TMEM132B: variants seen among roughly 807,000 people sequenced by gnomAD.
TMEM132B encodes transmembrane protein 132B.
A neutral mutation model predicts 90.8 loss-of-function variants in TMEM132B; 18 were observed. The observed-to-expected ratio is 0.20, with a 90% CI of 0.14 to 0.29. TMEM132B has a LOEUF of 0.29. TMEM132B is among the 10% of genes least tolerant of loss of function. TMEM132B has a pLI of 1.00. For missense variants in TMEM132B, 1,096 were observed against 1,326.8 expected (o/e 0.83, Z 2.70); for synonymous variants, 504 against 523.3 (o/e 0.96, Z 0.50).
chr12:125,265,272 G>A (rs747084081), intron 1 of TMEM132B, among the ~76,000 whole-genome samples: 26 of 152,022 alleles, frequency 1.7e-4, no homozygotes, highest in Non-Finnish European at 3.2e-4. Context: ...CCCAGTGGAC[G>A]CCTGAAATCA....
intron 1 of TMEM132B, among the ~76,000 whole-genome samples, chr12:125,230,834 G>A (rs1040948133): frequency 1.3e-5 from 2 of 152,150 alleles, no homozygotes; most frequent in African/African-American, 4.8e-5. Context: ...TGCTGAGCAC[G>A]CTAGAGTTCA....
chr12:125,643,982 C>A, intron 5 of TMEM132B, 94 bp from the exon 6 acceptor site: 2 of 1,125,758 alleles, frequency 1.8e-6, no homozygotes, highest in Non-Finnish European at 2.6e-6. Context: ...TCTAATAAAT[C>A]AGAGCTGCTG....
chr12:125,334,979 C>A (rs565145223), intron 1 of TMEM132B, among the ~76,000 whole-genome samples: 2 of 152,354 alleles, frequency 1.3e-5, no homozygotes, highest in African/African-American at 4.8e-5. Context: ...CAGTCTACTT[C>A]TGTTTTGTCC....
At chr12:125,212,483 A>G (rs1807990827) in intron 1 of TMEM132B, among the ~76,000 whole-genome samples, 1 of 152,026 alleles carries the variant, frequency 6.6e-6, no homozygotes, top group Admixed American at 6.6e-5. Context: ...ATCTGAGGTC[A>G]GGAGTTTGAG....
In TMEM132B at chr12:125,622,753, A is replaced by G. The variant is rs115926178; in HGVS notation, c.1438-21323A>G. 809 of 736,698 alleles carry G rather than the reference A, an allele frequency of 1.1e-3. 9 individuals carry two copies. The African/African-American group carries it at 0.014, about 13-fold the overall frequency. The allele number at this position is 736,698 out of a possible 1,614,324, so 45.6% of individuals were successfully genotyped here. ...TCTCATTCTGGAGCAAGTGGTGGGG[A>G]GGACATCATTTGTATTTACTTTTCC... On this transcript the variant is annotated intron_variant, in intron 5 of 8. Coordinates refer to ENST00000682704, the MANE Select transcript of TMEM132B (RefSeq NM_001366854.1).
At position 125,418,006 on chromosome 12, in the gene TMEM132B, C is replaced by T. The variant is rs1043587966; in HGVS notation, c.1106+2329C>T. Among the ~76,000 whole-genome samples, 16 of 152,104 alleles carry T rather than the reference C, an allele frequency of 1.1e-4. No individual in the cohort carries two copies. In the South Asian group the frequency reaches 2.3e-3, roughly 22 times the overall value. ...TGATGGGGACAGGAGATGGAGTGGG[C>T]GCCACCCCAGTTACCTTAGTCTCAT... On this transcript the variant is annotated intron_variant, in intron 3 of 8. Coordinates refer to ENST00000682704, the MANE Select transcript of TMEM132B (RefSeq NM_001366854.1).
intron 1 of TMEM132B, among the ~76,000 whole-genome samples, chr12:125,336,094 A>G (rs943466345): frequency 2.0e-5 from 3 of 152,240 alleles, no homozygotes; most frequent in Non-Finnish European, 4.4e-5. Context: ...GTCAGGACAC[A>G]GAAGAGCTCC....
At chr12:125,195,238 C>T (rs1872898168) in intron 1 of TMEM132B, among the ~76,000 whole-genome samples, 1 of 151,824 alleles carries the variant, frequency 6.6e-6, no homozygotes, top group South Asian at 2.1e-4. Context: ...AAAAGACAGG[C>T]AAAAAACCCT....
chr12:125,246,203 C>T lies in TMEM132B; in HGVS notation c.67+59337C>T, dbSNP rs544227731. Among the ~76,000 whole-genome samples, 6 of 152,270 alleles carry T rather than the reference C, an allele frequency of 3.9e-5. No homozygotes were observed. In the South Asian group the frequency reaches 8.3e-4, roughly 21 times the overall value. ...GACTGGACTGGAGGTCGCTCTGTGC[C>T]GAGGAGAATGTCAAGCCTGTTAGAT... On this transcript the variant is annotated intron_variant, in intron 1 of 8. Coordinates refer to ENST00000682704, the MANE Select transcript of TMEM132B (RefSeq NM_001366854.1). The surrounding 1 kb of genome is among the most constrained non-coding windows in gnomAD (Gnocchi z 4.2).
intron 2 of TMEM132B, among the ~76,000 whole-genome samples, chr12:125,362,789 T>G (rs771658931): frequency 2.6e-5 from 4 of 152,250 alleles, no homozygotes; most frequent in Non-Finnish European, 4.4e-5. Context: ...CAAGTAATAC[T>G]GTAAAACAAT....
At position 125,460,247 on chromosome 12, in the gene TMEM132B, T is replaced by G. The variant is rs1881401144; in HGVS notation, c.1106+44570T>G. On this transcript the variant is annotated intron_variant, in intron 3 of 8. Coordinates refer to ENST00000682704, the MANE Select transcript of TMEM132B (RefSeq NM_001366854.1). This position sits in a 1 kb window ranked among gnomAD's most constrained non-coding sequence, Gnocchi z 4.4. ...GGCTCACGCCTGTAATCCCAGCACT[T>G]TGGGAGGCCGAGGTGGGTGGATCAC... 6.6e-6 allele frequency among the ~76,000 whole-genome samples: 1 copy of G among 152,056 alleles called. No homozygotes were observed. The highest frequency in any genetic ancestry group is 2.4e-5 in the African/African-American group (1 of 41,418).
chr12:125,479,912 C>G (rs1881993180), intron 3 of TMEM132B, among the ~76,000 whole-genome samples: 1 of 152,206 alleles, frequency 6.6e-6, no homozygotes, highest in South Asian at 2.1e-4. Context: ...AACTGTCTCT[C>G]AGACCACAGT....
At chr12:125,268,026 G>T (rs1015301764) in intron 1 of TMEM132B, among the ~76,000 whole-genome samples, 1 of 152,130 alleles carries the variant, frequency 6.6e-6, no homozygotes, top group Non-Finnish European at 1.5e-5. Context: ...CAGGAGGATG[G>T]CTTGAGCCCA....
intron 4 of TMEM132B, among the ~76,000 whole-genome samples, chr12:125,529,941 T>C (rs756363970): frequency 3.9e-5 from 6 of 152,160 alleles, no homozygotes; most frequent in Non-Finnish European, 5.9e-5. Context: ...TTCTCATATA[T>C]ATATGGGGCC....
chr12:125,488,296 C>T (rs1882252098), intron 3 of TMEM132B, among the ~76,000 whole-genome samples: 1 of 152,136 alleles, frequency 6.6e-6, no homozygotes, highest in South Asian at 2.1e-4. Flanking sequence ...GTCATAAAGT[C>T]TATAAATCAG....
At chr12:125,482,637 G>A (rs577465278) in intron 3 of TMEM132B, among the ~76,000 whole-genome samples, 4 of 152,274 alleles carry the variant, frequency 2.6e-5, no homozygotes, top group Admixed American at 1.3e-4. Context: ...ACACTTTCAC[G>A]CTGTTGGTGG....
intron 1 of TMEM132B, among the ~76,000 whole-genome samples, chr12:125,324,269 A>G (rs576968551): frequency 1.8e-4 from 28 of 152,342 alleles, no homozygotes; most frequent in Non-Finnish European, 3.1e-4. Context: ...CACTTCTCCA[A>G]TGTTGTCATT....
chr12:125,205,918 T>C (rs1873172560), intron 1 of TMEM132B, among the ~76,000 whole-genome samples: 1 of 152,198 alleles, frequency 6.6e-6, no homozygotes, highest in Admixed American at 6.5e-5. Flanking sequence ...GGAGAAAGAT[T>C]GCAGCAGGCG....
At chr12:125,424,899 C>T (rs879757835) in intron 3 of TMEM132B, among the ~76,000 whole-genome samples, 1 of 152,070 alleles carries the variant, frequency 6.6e-6, no homozygotes, top group Admixed American at 6.6e-5. Context: ...TAAGAGGAGA[C>T]AGCAAGGGTA....
Sources: allele counts gnomAD v4.1 joint callset (sites outside exome capture counted in the v4.1 genomes callset), GRCh38; gene constraint gnomAD v4.1.1; non-coding constraint Gnocchi (gnomAD v3.1); transcripts MANE v1.5; gene names NCBI Gene and HGNC (gene_info 2026-07-23, HGNC 2026-07-21).